The following MRPL44 variants were observed in gnomAD, a reference collection of about 807,000 sequenced individuals.
The protein encoded by MRPL44 is mitochondrial ribosomal protein L44.
MRPL44 carries 21 observed loss-of-function variants against 25.9 expected under a neutral mutation model. That is an observed-to-expected ratio of 0.81 (90% confidence interval 0.58 to 1.17). MRPL44 has a LOEUF of 1.17. Among genes scored for constraint, MRPL44 ranks in the 50% most tolerant of loss-of-function variants. The probability of loss-of-function intolerance (pLI) is 0.00; values close to 1 mark genes in which losing one functional copy is unlikely to be tolerated. For synonymous variants in MRPL44, 169 were observed against 151.0 expected, an observed-to-expected ratio of 1.12 and a Z score of -0.87; for missense variants, 410 against 398.9, an observed-to-expected ratio of 1.03 and a Z score of -0.24.
In MRPL44 at chr2:223,967,640, A is replaced by G. The variant is rs1039029966; in HGVS notation, c.*606A>G. On this transcript the variant is annotated 3_prime_UTR_variant, in exon 4 of 4. Coordinates refer to ENST00000258383, the MANE Select transcript of MRPL44 (RefSeq NM_022915.5). The stretch of plus-strand genomic sequence containing the variant: ...TGTATTTTATTTGCGTCTAGCTTTG[A>G]GGTATCATAATTTATGTATCTTATG... 1 of 152,154 alleles carries G rather than the reference A, an allele frequency of 6.6e-6. No homozygotes were observed. The highest frequency in any genetic ancestry group is 1.5e-5 in the Non-Finnish European group (1 of 68,016). The allele number at this position is 152,154 out of a possible 1,614,324, so 9.4% of individuals were successfully genotyped here.
chr2:223,956,711 C>T (rs1273548650), upstream of MRPL44, among the ~76,000 whole-genome samples: 1 of 152,150 alleles, frequency 6.6e-6, no homozygotes, highest in Non-Finnish European at 1.5e-5. Context: ...GTTCAGCAGG[C>T]AACTCAAAAC....
Position 223,967,590 on chromosome 2 carries a change from A to T in MRPL44, c.*556A>T, listed in dbSNP as rs1412317925. The T allele has an allele frequency of 2.0e-5, 3 of 152,186 alleles. No individual in the cohort carries two copies. The highest frequency in any genetic ancestry group is 4.4e-5 in the Non-Finnish European group (3 of 68,040). The allele number at this position is 152,186 out of a possible 1,614,324, so 9.4% of individuals were successfully genotyped here. ...AAATTTTCCTAATGTTCTTGATTTA[A>T]TTGTATAGAATTTGTATAATTAGGT... On this transcript the variant is annotated 3_prime_UTR_variant, in exon 4 of 4. Coordinates refer to ENST00000258383, the MANE Select transcript of MRPL44 (RefSeq NM_022915.5).
intron 2 of MRPL44, 131 bp downstream of exon 2, chr2:223,960,133 T>G: frequency 3.0e-6 from 2 of 673,302 alleles, no homozygotes; most frequent in African/African-American, 3.6e-5. Flanking sequence ...ACCTAAAGGT[T>G]TTTTATGGAA....
At chr2:223,959,200 T>C (rs1156988546) in intron 1 of MRPL44, among the ~76,000 whole-genome samples, 1 of 152,190 alleles carries the variant, frequency 6.6e-6, no homozygotes, top group Non-Finnish European at 1.5e-5. Context: ...GCTTCATACT[T>C]AGGTATAAAA....
the MRPL44 span, among the ~76,000 whole-genome samples, chr2:223,951,478 G>GTTTTTTTTTGTTTTGTTTTTTTTT: frequency 1.4e-3 from 161 of 112,522 alleles, 10 homozygotes; most frequent in African/African-American, 2.3e-3. Context: ...TTACCTTGGA[G>GTTTTTTTTTGTTTTGTTTTTTTTT]TTTTTTTTTT....
At chr2:223,951,486 T>G in the MRPL44 span, among the ~76,000 whole-genome samples, 1 of 143,656 alleles carries the variant, frequency 7.0e-6, no homozygotes, top group Non-Finnish European at 1.5e-5. Flanking sequence ...GAGTTTTTTT[T>G]TTTTTTTTTT....
intron 1 of MRPL44, among the ~76,000 whole-genome samples, chr2:223,958,934 A>G (rs1689612623): frequency 6.6e-6 from 1 of 152,258 alleles, no homozygotes; most frequent in South Asian, 2.1e-4. Context: ...ACAGAGACAC[A>G]AAGTGAGCAC....
upstream of MRPL44, chr2:223,957,293 C>T (rs1689578959): frequency 2.9e-6 from 2 of 684,656 alleles, no homozygotes; most frequent in Non-Finnish European, 4.9e-6. Flanking sequence ...TCAAGGCGGC[C>T]GCAATCACCC....
At position 223,967,153 on chromosome 2, in the gene MRPL44, T is replaced by C. The variant is rs545191347; in HGVS notation, c.*119T>C. On this transcript the variant is annotated 3_prime_UTR_variant, in exon 4 of 4. Coordinates refer to ENST00000258383, the MANE Select transcript of MRPL44 (RefSeq NM_022915.5). ...TAGATGTTTTGTTTCTGTTTTTTAC[T>C]GTGTTCCCAAAATTAAATAAGTGTT... 3.0e-6 allele frequency: 3 copies of C among 1,012,746 alleles called. No homozygotes were observed. The highest frequency in any genetic ancestry group is 4.0e-5 in the South Asian group (2 of 50,140). 62.7% of individuals were successfully genotyped at this position (1,012,746 alleles called of 1,614,324 possible).
In MRPL44 at chr2:223,966,857, T is replaced by G; in HGVS notation, c.828-6T>G. ...AATTTAAGACTACTGTTTGTTCTCT[T>G]TCTAGTGATAAAAAGTTGATTGCAG... On this transcript the variant is annotated splice_polypyrimidine_tract_variant and splice_region_variant and intron_variant, in intron 3 of 3. Transcript: ENST00000258383. 6.2e-7 allele frequency: 1 copy of G among 1,611,294 alleles called. No homozygotes were observed. The highest frequency in any genetic ancestry group is 8.5e-7 in the Non-Finnish European group (1 of 1,179,102).
upstream of MRPL44, among the ~76,000 whole-genome samples, chr2:223,955,623 C>G (rs1195001773): frequency 6.6e-6 from 1 of 152,208 alleles, no homozygotes; most frequent in Non-Finnish European, 1.5e-5. Flanking sequence ...AACCCTCAAT[C>G]GCCTCACCTC....
chr2:223,967,038 C>T lies in MRPL44; in HGVS notation c.*4C>T. ...AAAGAGCATCACTGCCAGCTAGCCG[C>T]CATGGATGCAGCAGCCTGAAACTTG... On this transcript the variant is annotated 3_prime_UTR_variant, in exon 4 of 4. Coordinates refer to ENST00000258383, the MANE Select transcript of MRPL44 (RefSeq NM_022915.5). The T allele has an allele frequency of 5.6e-6, 9 of 1,603,022 alleles. No homozygotes were observed. The highest frequency in any genetic ancestry group is 7.7e-6 in the Non-Finnish European group (9 of 1,173,926).
chr2:223,963,701 T>A, intron 2 of MRPL44, 55 bp from the exon 3 acceptor site: 1 of 1,100,036 alleles, frequency 9.1e-7, no homozygotes, highest in Non-Finnish European at 1.2e-6. Flanking sequence ...TATTTTGAAT[T>A]GTCCTAATGT....
Position 223,959,561 on chromosome 2 carries a change from T to C in MRPL44, c.207T>C (p.His69=), listed in dbSNP as rs1381782528. The C allele has an allele frequency of 6.2e-7, 1 of 1,612,160 alleles. No homozygotes were observed. The highest frequency in any genetic ancestry group is 8.5e-7 in the Non-Finnish European group (1 of 1,179,184). ...RRSEKPNWDY[H]AEIQAFGHRL... ...CAGAGAAGCCGAACTGGGATTACCA[T>C]GCAGAAATACAAGCTTTTGGACATC... is the stretch of plus-strand genomic sequence containing the variant. The change falls in exon 2 of 4, where the codon CAT becomes CAC. Residue 69 remains histidine (H), a synonymous_variant. Coordinates refer to ENST00000258383, the MANE Select transcript of MRPL44 (RefSeq NM_022915.5).
intron 3 of MRPL44, among the ~76,000 whole-genome samples, chr2:223,965,340 A>G (rs1007533631): frequency 6.6e-6 from 1 of 152,254 alleles, no homozygotes. Flanking sequence ...TTTATTTCAT[A>G]TTGTTGTTGT....
chr2:223,956,199 A>G (rs1689561391), upstream of MRPL44, among the ~76,000 whole-genome samples: 1 of 151,940 alleles, frequency 6.6e-6, no homozygotes, highest in South Asian at 2.1e-4. Flanking sequence ...ACCTCCTTTC[A>G]CCCCTTCTTG....
At chr2:223,957,438 CT>C, upstream of MRPL44, 1 of 1,613,728 alleles carries the variant, frequency 6.2e-7, no homozygotes, top group Non-Finnish European at 8.5e-7. Flanking sequence ...GGCCCGACTA[CT>C]TTCGTTCCGT....
intron 1 of MRPL44, among the ~76,000 whole-genome samples, chr2:223,958,666 A>G (rs1157597795): frequency 1.3e-5 from 2 of 152,222 alleles, no homozygotes; most frequent in African/African-American, 4.8e-5. Context: ...TGTGTTACGT[A>G]TAAGTAATCC....
chr2:223,964,625 CTTACCTGATTGGCAAACCTT>C (rs1372987495), intron 3 of MRPL44, among the ~76,000 whole-genome samples: 1 of 152,114 alleles, frequency 6.6e-6, no homozygotes, highest in Non-Finnish European at 1.5e-5. Flanking sequence ...CTCTTTGTTA[CTTACCTGATTGGCAAACCTT>C]TTAAACATAT....
Sources: allele counts gnomAD v4.1 joint callset (sites outside exome capture counted in the v4.1 genomes callset), GRCh38; gene constraint gnomAD v4.1.1; transcripts MANE v1.5; gene names NCBI Gene and HGNC (gene_info 2026-07-23, HGNC 2026-07-21).